Variants in CDH2 observed in about 807,000 individuals in gnomAD.
The protein encoded by CDH2 is cadherin-2.
In CDH2, 17 loss-of-function variants were observed where a neutral mutation model predicts 92.0. The observed-to-expected ratio is 0.18, with a 90% CI of 0.13 to 0.28. The LOEUF (loss-of-function observed/expected upper bound fraction) is 0.28, where lower values mean the gene tolerates loss of function less well. Among genes scored for constraint, CDH2 ranks in the 10% least tolerant of loss-of-function variants. The pLI is 1.00. For synonymous variants in CDH2, 419 were observed against 415.9 expected (o/e 1.01, Z -0.09); for missense variants, 862 against 1,133.1 (o/e 0.76, Z 3.44).
rs935927380 is a variant in CDH2 at position 28,045,294 on chromosome 18, G to C, written c.173-31385C>G. The C allele has an allele frequency of 5.3e-5, 21 of 397,902 alleles. No individual in the cohort carries two copies. The East Asian group carries it at 1.5e-3, about 28-fold the overall frequency. 24.6% of individuals were successfully genotyped at this position (397,902 alleles called of 1,614,324 possible). On this transcript the variant is annotated intron_variant, in intron 2 of 15. Coordinates refer to ENST00000269141, the MANE Select transcript of CDH2 (RefSeq NM_001792.5). ...TTCCTAACTGAGCTAGTTTGTCCTT[G>C]TTGTACTCACCAAATTTACCCTCCC...
chr18:28,112,065 A>T (rs976765777), intron 2 of CDH2, among the ~76,000 whole-genome samples: 1 of 152,314 alleles, frequency 6.6e-6, no homozygotes, highest in African/African-American at 2.4e-5. Context: ...CCGACAGACA[A>T]TTAGCTGTTA....
chr18:28,171,863 G>A (rs921994860), intron 1 of CDH2, among the ~76,000 whole-genome samples: 2 of 152,112 alleles, frequency 1.3e-5, no homozygotes, highest in African/African-American at 4.8e-5. Flanking sequence ...GACGAAATCA[G>A]AACCCCATGC....
intron 2 of CDH2, among the ~76,000 whole-genome samples, chr18:28,052,969 C>T (rs1469995436): frequency 6.6e-6 from 1 of 152,022 alleles, no homozygotes; most frequent in East Asian, 1.9e-4. Context: ...TGGGGGGGTC[C>T]TAATCCAATA....
intron 2 of CDH2, among the ~76,000 whole-genome samples, chr18:28,029,482 CCT>C (rs2013639216): frequency 6.6e-6 from 1 of 151,642 alleles, no homozygotes; most frequent in African/African-American, 2.4e-5. Flanking sequence ...AAAAATGTTC[CCT>C]CTCTTTGTTA....
At chr18:28,139,855 T>C (rs1400795995) in intron 2 of CDH2, among the ~76,000 whole-genome samples, 4 of 152,164 alleles carry the variant, frequency 2.6e-5, no homozygotes, top group Non-Finnish European at 5.9e-5. Context: ...TTTTACTTAC[T>C]GTTTGTATAC....
intron 2 of CDH2, among the ~76,000 whole-genome samples, chr18:28,144,912 G>C (rs2016011733): frequency 6.6e-6 from 1 of 151,934 alleles, no homozygotes; most frequent in South Asian, 2.1e-4. Flanking sequence ...CATTACACTA[G>C]CAAAAAATAA....
At chr18:27,982,418 A>G (rs1329838403) in intron 14 of CDH2, among the ~76,000 whole-genome samples, 1 of 152,198 alleles carries the variant, frequency 6.6e-6, no homozygotes, top group Non-Finnish European at 1.5e-5. Context: ...ATAAATACAA[A>G]GATGAACTAG....
chr18:28,078,621 C>T (rs1188591482), intron 2 of CDH2, among the ~76,000 whole-genome samples: 1 of 151,944 alleles, frequency 6.6e-6, no homozygotes, highest in Admixed American at 6.6e-5. Flanking sequence ...TCCAGCTATA[C>T]TAAATTCTCC....
At chr18:27,972,756 G>T (rs892989915) in intron 14 of CDH2, among the ~76,000 whole-genome samples, 5 of 152,178 alleles carry the variant, frequency 3.3e-5, no homozygotes, top group African/African-American at 1.2e-4. Context: ...AACTGTCCTA[G>T]ATACTGAAAT....
In CDH2 at chr18:28,075,989, G is replaced by A. The variant is rs913560509; in HGVS notation, c.173-62080C>T. Among the ~76,000 whole-genome samples the A allele has an allele frequency of 8.5e-5, 13 of 152,098 alleles. No individual in the cohort carries two copies. In the South Asian group the frequency reaches 1.5e-3, roughly 17 times the overall value. On this transcript the variant is annotated intron_variant, in intron 2 of 15. Transcript: ENST00000269141. ...AATTCCAAATATCATTTCATCATAC[G>A]AGCTGTTGTTATTTGTGATATTACT...
rs537182069 is a variant in CDH2 at position 28,138,703 on chromosome 18, G to C, written c.172+8970C>G. Among the ~76,000 whole-genome samples, 7 of 152,168 alleles carry C rather than the reference G, an allele frequency of 4.6e-5. 1 individual carries two copies. In the South Asian group the frequency reaches 1.5e-3, roughly 32 times the overall value. On this transcript the variant is annotated intron_variant, in intron 2 of 15. Coordinates refer to ENST00000269141, the MANE Select transcript of CDH2 (RefSeq NM_001792.5). ...ACTATTGCGCAGTTCCTTGAGAAAGGCCTGCCACATGATCACCGTTCAACA... is the reference window on the plus strand; with the variant it reads ...ACTATTGCGCAGTTCCTTGAGAAAGCCCTGCCACATGATCACCGTTCAACA...
chr18:28,072,146 T>G (rs2014629923), intron 2 of CDH2, among the ~76,000 whole-genome samples: 1 of 152,122 alleles, frequency 6.6e-6, no homozygotes, highest in African/African-American at 2.4e-5. Flanking sequence ...CATTCTCTCC[T>G]TCTCCTCTCC....
intron 1 of CDH2, among the ~76,000 whole-genome samples, chr18:28,168,942 C>A (rs575603969): frequency 2.4e-4 from 37 of 152,152 alleles, no homozygotes; most frequent in Admixed American, 2.2e-3. Context: ...TGTAGTCAAG[C>A]CCAACTTGAA....
At chr18:28,135,572 A>G (rs1463945583) in intron 2 of CDH2, among the ~76,000 whole-genome samples, 1 of 152,220 alleles carries the variant, frequency 6.6e-6, no homozygotes, top group Non-Finnish European at 1.5e-5. Flanking sequence ...AGATTATCCC[A>G]TAAGGGACAA....
intron 2 of CDH2, among the ~76,000 whole-genome samples, chr18:28,024,766 C>T (rs1370841672): frequency 4.0e-5 from 6 of 151,414 alleles, no homozygotes; most frequent in Admixed American, 3.3e-4. Flanking sequence ...ATAATATAAA[C>T]ACTTTAATTC....
intron 14 of CDH2, among the ~76,000 whole-genome samples, chr18:27,979,233 CA>C (rs1336958807): frequency 6.6e-6 from 1 of 151,990 alleles, no homozygotes; most frequent in East Asian, 1.9e-4. Flanking sequence ...AATAACATAT[CA>C]AAAGGGTAAA....
chr18:28,013,242 C>A (rs1170577195), intron 3 of CDH2, among the ~76,000 whole-genome samples: 1 of 152,062 alleles, frequency 6.6e-6, no homozygotes, highest in Non-Finnish European at 1.5e-5. Context: ...ATAATTCATA[C>A]CCCCCAACTG....
Position 28,022,081 on chromosome 18 carries a change from C to T in CDH2, c.173-8172G>A, listed in dbSNP as rs58073632. Reference sequence around the variant, plus strand: ...TTCACAGTGTTTTTACATATATATTCCAATGGAGAATGGTCACCACATAAC... The same window carrying T: ...TTCACAGTGTTTTTACATATATATTTCAATGGAGAATGGTCACCACATAAC... On this transcript the variant is annotated intron_variant, in intron 2 of 15. Coordinates refer to ENST00000269141, the MANE Select transcript of CDH2 (RefSeq NM_001792.5). 8.1e-3 allele frequency among the ~76,000 whole-genome samples: 1,225 copies of T among 152,072 alleles called. 16 individuals carry two copies. The highest frequency in any genetic ancestry group is 0.028 in the African/African-American group (1,156 of 41,506).
intron 2 of CDH2, among the ~76,000 whole-genome samples, chr18:28,074,372 A>T (rs1195824441): frequency 6.6e-6 from 1 of 152,124 alleles, no homozygotes. Context: ...CACGACATTA[A>T]ATTAACTCTC....
Sources: gnomAD v4.1 joint callset for allele counts (sites outside exome capture counted in the v4.1 genomes callset) on GRCh38, gnomAD v4.1.1 for gene constraint, MANE v1.5 for transcripts, NCBI Gene and HGNC (gene_info 2026-07-23, HGNC 2026-07-21) for gene names.